The following ADAMTS19 variants were observed in gnomAD, a reference collection of about 807,000 sequenced individuals.
ADAMTS19 encodes the protein A disintegrin and metalloproteinase with thrombospondin motifs 19.
A neutral mutation model predicts 153.3 loss-of-function variants in ADAMTS19; 93 were observed. The ratio of observed to expected loss-of-function variants is 0.61; its 90% CI spans 0.51 to 0.72. The LOEUF is 0.72. ADAMTS19 is among the 30% of genes least tolerant of loss of function. ADAMTS19 has a pLI of 0.00. For missense variants in ADAMTS19, 1,482 were observed against 1,552.1 expected, an observed-to-expected ratio of 0.95 and a Z score of 0.76; for synonymous variants, 600 against 556.6, an observed-to-expected ratio of 1.08 and a Z score of -1.10.
At chr5:129,613,907 C>A (rs756814783) in intron 8 of ADAMTS19, among the ~76,000 whole-genome samples, 1 of 152,140 alleles carries the variant, frequency 6.6e-6, no homozygotes, top group African/African-American at 2.4e-5. Flanking sequence ...ACTATAAACA[C>A]CTCTACACAA....
chr5:129,640,660 A>G (rs1752748431), intron 10 of ADAMTS19, among the ~76,000 whole-genome samples: 1 of 151,816 alleles, frequency 6.6e-6, no homozygotes, highest in South Asian at 2.1e-4. Context: ...CTCCCCCATG[A>G]TATTCCTACT....
chr5:129,484,476 G>A (rs114519823), intron 2 of ADAMTS19, among the ~76,000 whole-genome samples: 1,608 of 152,048 alleles, frequency 0.011, 24 homozygotes, highest in African/African-American at 0.037. Context: ...ACATAGCATT[G>A]TTTTGTTTTT....
intron 3 of ADAMTS19, among the ~76,000 whole-genome samples, chr5:129,515,912 A>G (rs908365623): frequency 6.6e-6 from 1 of 151,878 alleles, no homozygotes; most frequent in African/African-American, 2.4e-5. Flanking sequence ...GTATGATACT[A>G]GCTGTAGGCC....
chr5:129,520,395 C>T (rs1561548614), intron 3 of ADAMTS19, among the ~76,000 whole-genome samples: 1 of 152,086 alleles, frequency 6.6e-6, no homozygotes, highest in Non-Finnish European at 1.5e-5. Flanking sequence ...ACGTTAATTC[C>T]ATAAATATTA....
At chr5:129,628,410 G>A (rs1208372108) in intron 10 of ADAMTS19, among the ~76,000 whole-genome samples, 4 of 151,834 alleles carry the variant, frequency 2.6e-5, no homozygotes, top group Non-Finnish European at 1.5e-5. Context: ...TGTGACATGA[G>A]TTTACCTATA....
chr5:129,702,747 C>T (rs1215541385), intron 20 of ADAMTS19, among the ~76,000 whole-genome samples: 1 of 151,536 alleles, frequency 6.6e-6, no homozygotes, highest in Non-Finnish European at 1.5e-5. Context: ...CACCGCAACC[C>T]AATCAAAACA....
In ADAMTS19 at chr5:129,537,528, A is replaced by C. The variant is rs556615723; in HGVS notation, c.1328+8851A>C. Among the ~76,000 whole-genome samples, 4 of 152,276 alleles carry C rather than the reference A, an allele frequency of 2.6e-5. No homozygotes were observed. In the South Asian group the frequency reaches 8.3e-4, roughly 32 times the overall value. On this transcript the variant is annotated intron_variant, in intron 6 of 22. Coordinates refer to ENST00000274487, the MANE Select transcript of ADAMTS19 (RefSeq NM_133638.6). ...ATAGCAAAGACTTGGAACCAACCCA[A>C]ATGTCCAACAATGATAGACTGGATT...
intron 8 of ADAMTS19, among the ~76,000 whole-genome samples, chr5:129,615,145 C>G (rs770921796): frequency 1.3e-5 from 2 of 152,172 alleles, no homozygotes; most frequent in East Asian, 1.9e-4. Context: ...CCATCCCCAT[C>G]AAGCTACCAA....
chr5:129,520,153 A>G (rs1554089083), intron 3 of ADAMTS19, among the ~76,000 whole-genome samples: 1 of 152,124 alleles, frequency 6.6e-6, no homozygotes, highest in Non-Finnish European at 1.5e-5. Flanking sequence ...CCTATGTACC[A>G]TACTCCTTCC....
chr5:129,460,519 C>A, intron 1 of ADAMTS19, 37 bp downstream of exon 1: 2 of 1,612,718 alleles, frequency 1.2e-6, no homozygotes, highest in East Asian at 2.2e-5. Flanking sequence ...TCCTTTCCAG[C>A]CATCCCAGCG....
intron 7 of ADAMTS19, among the ~76,000 whole-genome samples, chr5:129,587,066 T>TAACC (rs66578096): frequency 2.1e-3 from 26 of 12,362 alleles, no homozygotes; most frequent in African/African-American, 2.5e-3. Flanking sequence ...TATTTTAAAT[T>TAACC]AATCCAGGAA....
intron 11 of ADAMTS19, among the ~76,000 whole-genome samples, chr5:129,643,986 G>GA (rs1162180670): frequency 2.7e-5 from 4 of 149,642 alleles, no homozygotes; most frequent in Non-Finnish European, 4.4e-5. Flanking sequence ...TTTGTCTTTA[G>GA]TTTTTTAGCA....
At chr5:129,700,959 A>G (rs1581240540) in intron 19 of ADAMTS19, among the ~76,000 whole-genome samples, 2 of 152,016 alleles carry the variant, frequency 1.3e-5, no homozygotes, top group South Asian at 4.2e-4. Context: ...AGACGTGTCA[A>G]AATATATGGT....
chr5:129,702,364 T>G (rs998095450), intron 20 of ADAMTS19, among the ~76,000 whole-genome samples: 8 of 152,338 alleles, frequency 5.3e-5, no homozygotes, highest in African/African-American at 1.9e-4. Context: ...TGTTCACACA[T>G]GTACCAACAC....
At chr5:129,661,754 A>G (rs1753822799) in intron 15 of ADAMTS19, among the ~76,000 whole-genome samples, 1 of 152,234 alleles carries the variant, frequency 6.6e-6, no homozygotes, top group Admixed American at 6.5e-5. Flanking sequence ...GTTGAAATGC[A>G]TAGTTAACCA....
intron 21 of ADAMTS19, among the ~76,000 whole-genome samples, chr5:129,731,686 TA>T (rs931089236): frequency 2.6e-5 from 4 of 152,034 alleles, no homozygotes; most frequent in Admixed American, 2.6e-4. Context: ...ATGATGATCG[TA>T]AAGGAAGAAT....
At chr5:129,711,227 T>G (rs556987053) in intron 21 of ADAMTS19, among the ~76,000 whole-genome samples, 2 of 152,288 alleles carry the variant, frequency 1.3e-5, no homozygotes, top group South Asian at 4.1e-4. Flanking sequence ...TCTAGTAGAA[T>G]GTAAAAATAG....
intron 7 of ADAMTS19, among the ~76,000 whole-genome samples, chr5:129,576,098 A>C (rs1754090072): frequency 6.6e-6 from 1 of 151,862 alleles, no homozygotes; most frequent in African/African-American, 2.4e-5. Context: ...AAAAAAGCTT[A>C]AAGGAAATAT....
At chr5:129,534,691 C>A (rs961782277) in intron 6 of ADAMTS19, among the ~76,000 whole-genome samples, 5 of 152,016 alleles carry the variant, frequency 3.3e-5, no homozygotes, top group Admixed American at 6.6e-5. Context: ...ACTGGCAAAC[C>A]GAATCCAGCA....
Sources: gnomAD v4.1 joint callset for allele counts (sites outside exome capture counted in the v4.1 genomes callset) on GRCh38, gnomAD v4.1.1 for gene constraint, MANE v1.5 for transcripts, NCBI Gene and HGNC (gene_info 2026-07-23, HGNC 2026-07-21) for gene names.